The following TMEM268 variants were observed in gnomAD, a reference collection of about 807,000 sequenced individuals.
TMEM268 encodes transmembrane protein 268, also known as transmembrane protein C9orf91.
Under a neutral mutation model 39.1 loss-of-function variants are expected in TMEM268, and 24 were observed. That is an observed-to-expected ratio of 0.61 (90% CI 0.44 to 0.86). The LOEUF is 0.86. TMEM268 is among the 40% of genes least tolerant of loss of function. The pLI is 0.00. For missense variants in TMEM268, 409 were observed against 428.6 expected (o/e 0.95, Z 0.40); for synonymous variants, 176 against 173.5 (o/e 1.01, Z -0.12).
At chr9:114,640,848 C>T (rs2133718687) in intron 8 of TMEM268, among the ~76,000 whole-genome samples, 1 of 151,876 alleles carries the variant, frequency 6.6e-6, no homozygotes, top group South Asian at 2.1e-4. Flanking sequence ...GCACTGGGCT[C>T]AATGCTTTCT....
chr9:114,614,772 G>A (rs924699136), intron 1 of TMEM268, among the ~76,000 whole-genome samples: 3 of 152,214 alleles, frequency 2.0e-5, no homozygotes, highest in Non-Finnish European at 4.4e-5. Context: ...TTGGTGAGGG[G>A]TGATTTTCAG....
intron 6 of TMEM268, among the ~76,000 whole-genome samples, chr9:114,634,397 G>A (rs79645655): frequency 0.046 from 6,994 of 152,318 alleles, 200 homozygotes; most frequent in South Asian, 0.11. Context: ...ACACAGCGGG[G>A]AGAGATGAGG....
At chr9:114,637,188 G>A in intron 7 of TMEM268, 118 bp downstream of exon 7, 2 of 608,240 alleles carry the variant, frequency 3.3e-6, no homozygotes, top group Admixed American at 4.7e-5. Context: ...ATACCTACGA[G>A]CAATCAGTGG....
intron 1 of TMEM268, among the ~76,000 whole-genome samples, chr9:114,613,468 T>G (rs1285469215): frequency 6.6e-6 from 1 of 152,198 alleles, no homozygotes; most frequent in Admixed American, 6.5e-5. Flanking sequence ...CAGAATTATA[T>G]CTGCCTCAGG....
intron 2 of TMEM268, among the ~76,000 whole-genome samples, chr9:114,618,676 A>G (rs539877383): frequency 5.3e-5 from 8 of 152,250 alleles, no homozygotes; most frequent in Admixed American, 3.3e-4. Flanking sequence ...AAAAAAAAGA[A>G]AGAAAAAGAA....
intron 8 of TMEM268, among the ~76,000 whole-genome samples, chr9:114,641,362 C>T (rs115072223): frequency 0.051 from 7,689 of 152,256 alleles, 243 homozygotes; most frequent in Middle Eastern, 0.092. Context: ...ACTAACTCTA[C>T]AGACATACCT....
chr9:114,605,938 C>CA, the TMEM268 span, among the ~76,000 whole-genome samples: 9 of 151,316 alleles, frequency 5.9e-5, 2 homozygotes, highest in South Asian at 2.1e-4. Context: ...TATCAAAAAA[C>CA]AAAAAAGAAA....
Position 114,637,069 on chromosome 9 carries a change from A to C in TMEM268, c.665A>C (p.Glu222Ala). ...GTTCAAGAAATGAAGACTAGCCAAG[A>C]GGTAAGATATCTTCAGTGAAAAAAC... ...DHVQEMKTSQ[E>A]SLLRSRLSQL... Residue 222 changes from glutamate to alanine, a missense_variant and splice_region_variant, in exon 7 of 9, where the codon GAG becomes GCG. Transcript: ENST00000288502. 1 of 1,598,026 alleles carries C rather than the reference A, an allele frequency of 6.3e-7. No homozygotes were observed. Among genetic ancestry groups the C allele is most frequent in the Non-Finnish European group, 8.6e-7 (1 of 1,165,582 alleles).
Position 114,645,596 on chromosome 9 carries a change from G to A in TMEM268, c.*2283G>A, listed in dbSNP as rs1429898627. 1 of 152,376 alleles carries A rather than the reference G, an allele frequency of 6.6e-6. No individual in the cohort carries two copies. The highest frequency in any genetic ancestry group is 1.5e-5 in the Non-Finnish European group (1 of 68,056). The allele number at this position is 152,376 out of a possible 1,614,324, so 9.4% of individuals were successfully genotyped here. A position where few individuals can be genotyped will look rare whatever the true frequency, so the allele number is the denominator to read the frequency against. ...CACAGAGGAAATGTTGGCTGTGAAT[G>A]TGACCAATAGAAAGAAGCCCGTATT... On this transcript the variant is annotated 3_prime_UTR_variant, in exon 9 of 9. Transcript: ENST00000288502.
At position 114,643,483 on chromosome 9, in the gene TMEM268, C is replaced by A; in HGVS notation, c.*170C>A. ...GTGTTGTGCTCACTTCAGGGCCCAG[C>A]ACAAAAATCCTTGTTTGACATCTCA... On this transcript the variant is annotated 3_prime_UTR_variant, in exon 9 of 9. Transcript: ENST00000288502. 1.6e-6 allele frequency: 1 copy of A among 610,928 alleles called. No individual in the cohort carries two copies. The highest frequency in any genetic ancestry group is 2.0e-5 in the South Asian group (1 of 49,040). The allele number at this position is 610,928 out of a possible 1,614,324, so 37.8% of individuals were successfully genotyped here.
chr9:114,612,257 G>T (rs1237080360), intron 1 of TMEM268, among the ~76,000 whole-genome samples: 2 of 152,204 alleles, frequency 1.3e-5, no homozygotes, highest in Non-Finnish European at 2.9e-5. Flanking sequence ...TTAAGAGTAT[G>T]TTCCTTTGCA....
At chr9:114,614,963 C>A (rs1845645840) in intron 1 of TMEM268, among the ~76,000 whole-genome samples, 1 of 146,414 alleles carries the variant, frequency 6.8e-6, no homozygotes, top group African/African-American at 2.5e-5. Flanking sequence ...GTGGCGTGAT[C>A]TCGGCTCACT....
intron 5 of TMEM268, among the ~76,000 whole-genome samples, chr9:114,631,177 G>C (rs113641852): frequency 0.011 from 1,663 of 151,608 alleles, 34 homozygotes; most frequent in African/African-American, 0.038. Flanking sequence ...GGGGTGTGGT[G>C]GCACATGCCC....
At chr9:114,605,809 A>G in the TMEM268 span, among the ~76,000 whole-genome samples, 1 of 152,024 alleles carries the variant, frequency 6.6e-6, no homozygotes, top group Non-Finnish European at 1.5e-5. Context: ...CGCTGCCTAT[A>G]GTCTCAGCTA....
At chr9:114,627,959 C>T in intron 4 of TMEM268, 142 bp from the exon 5 acceptor site, 3 of 828,146 alleles carry the variant, frequency 3.6e-6, no homozygotes. Context: ...ATCCAGGTGA[C>T]TGCATCAATC....
At chr9:114,640,449 A>T (rs934558858) in intron 8 of TMEM268, among the ~76,000 whole-genome samples, 1 of 152,208 alleles carries the variant, frequency 6.6e-6, no homozygotes, top group East Asian at 1.9e-4. Flanking sequence ...GATTTTTCTC[A>T]TGCATAAAAT....
intron 3 of TMEM268, among the ~76,000 whole-genome samples, chr9:114,626,196 C>G (rs1846153158): frequency 6.6e-6 from 1 of 152,144 alleles, no homozygotes; most frequent in South Asian, 2.1e-4. Context: ...CTCCTAGGCT[C>G]AAGCAGTCCA....
Position 114,644,578 on chromosome 9 carries a change from A to T in TMEM268, c.*1265A>T, listed in dbSNP as rs1399203680. ...CTACACCTTGTACTTTTTGTGCATG[A>T]CCTGGACCTGCTAAGGAAAAAAAAA... On this transcript the variant is annotated 3_prime_UTR_variant, in exon 9 of 9. Transcript: ENST00000288502. 6.7e-6 allele frequency: 1 copy of T among 149,704 alleles called. No individual in the cohort carries two copies. Among genetic ancestry groups the T allele is most frequent in the African/African-American group, 2.4e-5 (1 of 40,942 alleles). The allele number at this position is 149,704 out of a possible 1,614,324, so 9.3% of individuals were successfully genotyped here.
At chr9:114,616,266 C>T (rs769005009) in intron 1 of TMEM268, among the ~76,000 whole-genome samples, 2 of 149,790 alleles carry the variant, frequency 1.3e-5, no homozygotes, top group East Asian at 2.0e-4. Flanking sequence ...GTGCCAGCCT[C>T]GGCCTCCCAA....
Sources: allele counts gnomAD v4.1 joint callset (sites outside exome capture counted in the v4.1 genomes callset), GRCh38; gene constraint gnomAD v4.1.1; transcripts MANE v1.5; gene names NCBI Gene and HGNC (gene_info 2026-07-23, HGNC 2026-07-21).